XKR4: variants seen among roughly 807,000 people sequenced by gnomAD.
XKR4 encodes the protein XK related 4.
Under a neutral mutation model 53.9 loss-of-function variants are expected in XKR4, and 12 were observed. The observed-to-expected ratio is 0.22, with a 90% CI of 0.14 to 0.36. The LOEUF is 0.36. XKR4 is among the 10% of genes least tolerant of loss of function. The pLI is 1.00. For synonymous variants in XKR4, 354 were observed against 362.4 expected (o/e 0.98, Z 0.26); for missense variants, 799 against 859.5 (o/e 0.93, Z 0.88).
intron 1 of XKR4, among the ~76,000 whole-genome samples, chr8:55,271,429 A>G (rs2129372592): frequency 6.6e-6 from 1 of 152,356 alleles, no homozygotes; most frequent in South Asian, 2.1e-4. Flanking sequence ...GAGGATTTCG[A>G]AAAGTAGTAA....
chr8:55,415,217 G>T (rs969849537), intron 2 of XKR4, among the ~76,000 whole-genome samples: 1 of 152,218 alleles, frequency 6.6e-6, no homozygotes, highest in African/African-American at 2.4e-5. Context: ...AGATTATTCA[G>T]ATCAGAAATC....
rs2129407131 is a variant in XKR4 at position 55,535,114 on chromosome 8, G to A, written c.*10887G>A. The A allele has an allele frequency of 2.0e-5, 3 of 152,184 alleles. No individual in the cohort carries two copies. The South Asian group carries it at 6.2e-4, about 32-fold the overall frequency. The allele number at this position is 152,184 out of a possible 1,614,324, so 9.4% of individuals were successfully genotyped here. A position where few individuals can be genotyped will look rare whatever the true frequency, so the allele number is the denominator to read the frequency against. ...TACTGAATGATCTTCCCAGTTATCA[G>A]CACTAGCATCACGGCGAGTCAGTTT... On this transcript the variant is annotated 3_prime_UTR_variant, in exon 3 of 3. Coordinates refer to ENST00000327381, the MANE Select transcript of XKR4 (RefSeq NM_052898.2).
chr8:55,393,332 G>A (rs1439220262), intron 2 of XKR4, among the ~76,000 whole-genome samples: 1 of 151,780 alleles, frequency 6.6e-6, no homozygotes, highest in East Asian at 1.9e-4. Context: ...ATTTCTAAAG[G>A]ATAATTGGTC....
At chr8:55,446,836 G>T (rs1261687950) in intron 2 of XKR4, among the ~76,000 whole-genome samples, 3 of 152,156 alleles carry the variant, frequency 2.0e-5, no homozygotes, top group African/African-American at 4.8e-5. Flanking sequence ...TAGCCACTTA[G>T]GTCAATGGAC....
intron 1 of XKR4, among the ~76,000 whole-genome samples, chr8:55,253,731 C>CTTTTTTTTTTTTTTT (rs67608017): frequency 8.8e-6 from 1 of 113,708 alleles, no homozygotes; most frequent in African/African-American, 3.2e-5. Context: ...ATTTTCTTTT[C>CTTTTTTTTTTTTTTT]TTTTTTTTTT....
At chr8:55,289,851 G>GGAAGGAAA (rs1426200079) in intron 1 of XKR4, among the ~76,000 whole-genome samples, 15 of 135,706 alleles carry the variant, frequency 1.1e-4, no homozygotes, top group African/African-American at 4.2e-4. Context: ...AAAGAAAGAA[G>GGAAGGAAA]GAAAGAAAGA....
chr8:55,173,789 G>A (rs16921310), intron 1 of XKR4, among the ~76,000 whole-genome samples: 2,908 of 152,238 alleles, frequency 0.019, 98 homozygotes, highest in African/African-American at 0.065. Context: ...CAGCATCAAA[G>A]GAATTTGAAC....
At chr8:55,184,154 C>T (rs6997561) in intron 1 of XKR4, among the ~76,000 whole-genome samples, 35,051 of 151,974 alleles carry the variant, frequency 0.23, 4,194 homozygotes, top group East Asian at 0.3. Context: ...TTCTTAACAG[C>T]TTACATGGAG....
chr8:55,205,697 A>G (rs938518847), intron 1 of XKR4, among the ~76,000 whole-genome samples: 2 of 152,218 alleles, frequency 1.3e-5, no homozygotes, highest in African/African-American at 4.8e-5. Flanking sequence ...TTTATATTTG[A>G]TAAAACATTA....
rs79405971 is a variant in XKR4, at chr8:55,536,638, C to G, written c.*12411C>G. The G allele has an allele frequency of 2.8e-4, 42 of 152,194 alleles. No individual in the cohort carries two copies. Among genetic ancestry groups the G allele is most frequent in the Admixed American group, 2.5e-3 (38 of 15,286 alleles). The allele number at this position is 152,194 out of a possible 1,614,324, so 9.4% of individuals were successfully genotyped here. On this transcript the variant is annotated 3_prime_UTR_variant, in exon 3 of 3. Coordinates refer to ENST00000327381, the MANE Select transcript of XKR4 (RefSeq NM_052898.2). ...GTAATGGAATTGAACTTTCTTGCGCCGTAAGCAATTGCTGGTCATATTCTG... is the reference window on the plus strand; with the variant it reads ...GTAATGGAATTGAACTTTCTTGCGCGGTAAGCAATTGCTGGTCATATTCTG...
intron 1 of XKR4, among the ~76,000 whole-genome samples, chr8:55,336,086 A>C (rs1340559153): frequency 6.6e-6 from 1 of 151,920 alleles, no homozygotes; most frequent in Non-Finnish European, 1.5e-5. Context: ...TACTTATAAA[A>C]GTGGGTGATA....
At chr8:55,398,359 G>A (rs185895030) in intron 2 of XKR4, among the ~76,000 whole-genome samples, 97 of 152,178 alleles carry the variant, frequency 6.4e-4, no homozygotes, top group African/African-American at 2.3e-3. Context: ...GGAAGTTAAA[G>A]GTTCTTGTTT....
At chr8:55,466,904 A>G (rs1805782749) in intron 2 of XKR4, among the ~76,000 whole-genome samples, 1 of 152,176 alleles carries the variant, frequency 6.6e-6, no homozygotes, top group Admixed American at 6.5e-5. Flanking sequence ...ATTTGATTAA[A>G]AAATTTATTA....
chr8:55,454,039 G>T (rs1331997560), intron 2 of XKR4: 6 of 893,670 alleles, frequency 6.7e-6, no homozygotes, highest in Non-Finnish European at 1.1e-5. Context: ...ACCAGAGATA[G>T]CCCTGCAGCA....
chr8:55,257,759 G>A (rs766863083), intron 1 of XKR4, among the ~76,000 whole-genome samples: 14 of 152,070 alleles, frequency 9.2e-5, no homozygotes, highest in Non-Finnish European at 1.6e-4. Flanking sequence ...CTCAAATAAA[G>A]GAAACACATT....
intron 2 of XKR4, among the ~76,000 whole-genome samples, chr8:55,494,871 G>A (rs1806319460): frequency 1.3e-5 from 2 of 152,146 alleles, no homozygotes; most frequent in Admixed American, 1.3e-4. Context: ...CCTCTGGTCT[G>A]CAGGACTGAC....
intron 1 of XKR4, among the ~76,000 whole-genome samples, chr8:55,191,827 T>C (rs959627208): frequency 6.6e-6 from 1 of 152,138 alleles, no homozygotes; most frequent in African/African-American, 2.4e-5. Flanking sequence ...TTTTTGACTT[T>C]AATATCCACA....
At chr8:55,376,175 T>A (rs1804149776) in intron 2 of XKR4, among the ~76,000 whole-genome samples, 1 of 152,204 alleles carries the variant, frequency 6.6e-6, no homozygotes, top group Admixed American at 6.5e-5. Context: ...TTGTGAATAG[T>A]CCTGCAGTGA....
chr8:55,164,540 T>C (rs891046125), intron 1 of XKR4: 6 of 434,698 alleles, frequency 1.4e-5, no homozygotes, highest in African/African-American at 1.2e-4. Context: ...AGGAACTTCT[T>C]TTTACATTGA....
Sources: gnomAD v4.1 joint callset for allele counts (sites outside exome capture counted in the v4.1 genomes callset) on GRCh38, gnomAD v4.1.1 for gene constraint, MANE v1.5 for transcripts, NCBI Gene and HGNC (gene_info 2026-07-23, HGNC 2026-07-21) for gene names.